Variants in CIC observed in about 807,000 individuals in gnomAD.
The protein encoded by CIC is protein capicua homolog.
In CIC, 18 loss-of-function variants were observed where a neutral mutation model predicts 115.7. The observed-to-expected ratio is 0.16, with a 90% CI of 0.11 to 0.23. The LOEUF is 0.23. Ranked by LOEUF, CIC falls within the 10% of genes least tolerant of loss-of-function variation. The pLI, the probability that CIC is intolerant of heterozygous loss-of-function variation, is 1.00. For synonymous variants in CIC, 1,076 were observed against 923.0 expected (o/e 1.17, Z -3.01); for missense variants, 2,000 against 2,159.3 (o/e 0.93, Z 1.46).
At chr19:42,277,813 C>T (rs566128500) in intron 2 of CIC, among the ~76,000 whole-genome samples, 2 of 152,314 alleles carry the variant, frequency 1.3e-5, no homozygotes, top group South Asian at 2.1e-4. Context: ...TTCTGAGGAG[C>T]GCCTCCCTAA....
chr19:42,290,491 C>G lies in CIC; in HGVS notation c.4450C>G (p.Pro1484Ala), dbSNP rs768052540. The G allele has an allele frequency of 6.2e-7, 1 of 1,613,620 alleles. No individual in the cohort carries two copies. The highest frequency in any genetic ancestry group is 8.5e-7 in the Non-Finnish European group (1 of 1,179,866). Reference sequence around the variant, plus strand: ...CACAGCGGGCCCCCTACGGCCCCCACCCCCTGGGGCTGGGGGTCCAGCGAC... The same window carrying G: ...CACAGCGGGCCCCCTACGGCCCCCAGCCCCTGGGGCTGGGGGTCCAGCGAC... Reference protein sequence around the residue: ...GSTAGPLRPPPPGAGGPATPS... With the variant: ...GSTAGPLRPPAPGAGGPATPS... The change falls in exon 11 of 21, where the codon CCC (proline) becomes GCC (alanine). Residue 1484 changes from proline to alanine, a missense_variant. Physicochemically the swap from Pro to Ala is conservative, Grantham distance 27. Coordinates refer to ENST00000681038, the MANE Select transcript of CIC (RefSeq NM_001386298.1).
In CIC at chr19:42,287,456, T is replaced by C; in HGVS notation, c.3309+7T>C. ...TGGACGCAGCCCCAACAAGGTACTT[T>C]ATCCCTGCCTGTCCTGTGCTCACCC... On this transcript the variant is annotated splice_region_variant and intron_variant, in intron 5 of 20. Coordinates refer to ENST00000681038, the MANE Select transcript of CIC (RefSeq NM_001386298.1). The surrounding 1 kb of genome is among the most constrained non-coding windows in gnomAD (Gnocchi z 8.7). The C allele has an allele frequency of 6.2e-7, 1 of 1,612,974 alleles. No individual in the cohort carries two copies. The highest frequency in any genetic ancestry group is 8.5e-7 in the Non-Finnish European group (1 of 1,180,022).
At chr19:42,289,543 A>T in intron 9 of CIC, 137 bp downstream of exon 9, 1 of 1,033,980 alleles carries the variant, frequency 9.7e-7, no homozygotes, top group Non-Finnish European at 1.5e-6. Flanking sequence ...TGGCCAGTTC[A>T]GGCCCTGCCG....
intron 7 of CIC, among the ~76,000 whole-genome samples, 198 bp from the exon 8 acceptor site, chr19:42,288,690 T>C (rs2147221973): frequency 6.6e-6 from 1 of 151,962 alleles, no homozygotes; most frequent in African/African-American, 2.4e-5. Flanking sequence ...ATGGGCCTGC[T>C]GCAACCCCAG....
chr19:42,276,695 G>T (rs1568489917), intron 2 of CIC, among the ~76,000 whole-genome samples: 1 of 152,160 alleles, frequency 6.6e-6, no homozygotes, highest in Non-Finnish European at 1.5e-5. Context: ...TCACAGCAGG[G>T]ATTTCTGTCC....
At chr19:42,278,917 G>A (rs180830040) in intron 2 of CIC, among the ~76,000 whole-genome samples, 5 of 152,348 alleles carry the variant, frequency 3.3e-5, no homozygotes, top group East Asian at 1.9e-4. Context: ...GCAGGAAAGC[G>A]GGGGCTGTAT....
intron 2 of CIC, among the ~76,000 whole-genome samples, chr19:42,281,133 GGGGTGGGT>G (rs1039151650): frequency 6.6e-6 from 1 of 151,658 alleles, no homozygotes; most frequent in Non-Finnish European, 1.5e-5. Flanking sequence ...GACGCCGCCC[GGGGTGGGT>G]GGGTGGGTGT....
chr19:42,292,617 C>G lies in CIC; in HGVS notation c.5954C>G (p.Pro1985Arg), dbSNP rs1284384662. The stretch of plus-strand genomic sequence containing the variant: ...GGTCAGGTGGGCGTGTCACCTGTGC[C>G]CAGTCCCCAGCTGCCGCCTGCCTGT... ...APGQVGVSPV[P>R]SPQLPPACAA... is the part of the protein sequence containing the mutation. Residue 1985 changes from proline to arginine, a missense_variant, in exon 15 of 21, where the codon CCC becomes CGC. Transcript: ENST00000681038. 1.2e-6 allele frequency: 2 copies of G among 1,613,392 alleles called. No homozygotes were observed. The highest frequency in any genetic ancestry group is 2.2e-5 in the East Asian group (1 of 44,896).
At chr19:42,293,347 C>T in intron 16 of CIC, 66 bp downstream of exon 16, 5 of 1,476,648 alleles carry the variant, frequency 3.4e-6, no homozygotes, top group Non-Finnish European at 4.6e-6. Context: ...GACGTCTTTG[C>T]TTTTCTGTCC....
At chr19:42,275,319 CG>C (rs1282642523) in intron 2 of CIC, among the ~76,000 whole-genome samples, 1 of 152,218 alleles carries the variant, frequency 6.6e-6, no homozygotes, top group Non-Finnish European at 1.5e-5. Flanking sequence ...TGGAAGGCAG[CG>C]GGGGTGTGCT....
At position 42,295,339 on chromosome 19, in the gene CIC, C is replaced by T; in HGVS notation, c.*148C>T. 1 of 698,430 alleles carries T rather than the reference C, an allele frequency of 1.4e-6. No homozygotes were observed. Among genetic ancestry groups the T allele is most frequent in the South Asian group, 1.9e-5 (1 of 51,858 alleles). 43.3% of individuals were successfully genotyped at this position (698,430 alleles called of 1,614,324 possible). A position where few individuals can be genotyped will look rare whatever the true frequency, so the allele number is the denominator to read the frequency against. On this transcript the variant is annotated 3_prime_UTR_variant, in exon 21 of 21. Coordinates refer to ENST00000681038, the MANE Select transcript of CIC (RefSeq NM_001386298.1). ...GAGGCCTGCTCCTCTTGTAAATACC[C>T]CCTTCCCTCGAAGCTCCCTCCCGGT...
intron 19 of CIC, 137 bp from the exon 20 acceptor site, chr19:42,294,467 C>T (rs1187922725): frequency 1.9e-6 from 3 of 1,547,252 alleles, no homozygotes; most frequent in Non-Finnish European, 2.6e-6. Context: ...CCTAGGTTGC[C>T]CTGTGACTGT....
chr19:42,272,149 T>C lies in CIC; in HGVS notation c.366T>C (p.Tyr122=), dbSNP rs1313662762. 7.5e-6 allele frequency: 3 copies of C among 399,162 alleles called. No homozygotes were observed. The highest frequency in any genetic ancestry group is 1.3e-5 in the Non-Finnish European group (3 of 226,604). 24.7% of individuals were successfully genotyped at this position (399,162 alleles called of 1,614,324 possible). A position where few individuals can be genotyped will look rare whatever the true frequency, so the allele number is the denominator to read the frequency against. The change falls in exon 2 of 21, where the codon TAT becomes TAC. Residue 122 remains tyrosine, a synonymous_variant. Transcript: ENST00000681038. ...TFKSRAPKKK[Y]VEEHGAGSSG... Reference sequence around the variant, plus strand: ...AGTCTCGAGCGCCCAAGAAGAAGTATGTGGAGGAGCACGGAGCTGGCAGCA... The same window carrying C: ...AGTCTCGAGCGCCCAAGAAGAAGTACGTGGAGGAGCACGGAGCTGGCAGCA...
chr19:42,295,086 A>G lies in CIC; in HGVS notation c.7449A>G (p.Pro2483=), dbSNP rs1454497591. ...SDSGTAQAAP[P]LPPPPESGPG... ...CTGGCACGGCCCAGGCTGCCCCGCC[A>G]CTGCCTCCACCCCCAGAGTCGGGGC... Residue 2483 remains proline, a synonymous_variant, in exon 21 of 21, where the codon CCA becomes CCG. Coordinates refer to ENST00000681038, the MANE Select transcript of CIC (RefSeq NM_001386298.1). 3.9e-6 allele frequency: 6 copies of G among 1,524,280 alleles called. No homozygotes were observed. The African/African-American group carries it at 5.6e-5, about 14-fold the overall frequency. The allele number at this position is 1,524,280 out of a possible 1,614,324, so 94.4% of individuals were successfully genotyped here.
chr19:42,295,666 G>T lies in CIC; in HGVS notation c.*475G>T. Reference sequence around the variant, plus strand: ...TCACCCCCTCTGCCCTCCCAACTTGGGTTGTACTTTCTAAGAAGGTGATTC... The same window carrying T: ...TCACCCCCTCTGCCCTCCCAACTTGTGTTGTACTTTCTAAGAAGGTGATTC... On this transcript the variant is annotated 3_prime_UTR_variant, in exon 21 of 21. Coordinates refer to ENST00000681038, the MANE Select transcript of CIC (RefSeq NM_001386298.1). 4.3e-6 allele frequency: 1 copy of T among 233,824 alleles called. No homozygotes were observed. Among genetic ancestry groups the T allele is most frequent in the Non-Finnish European group, 8.4e-6 (1 of 118,536 alleles). The allele number at this position is 233,824 out of a possible 1,614,324, so 14.5% of individuals were successfully genotyped here.
At position 42,294,058 on chromosome 19, in the gene CIC, C is replaced by T. The variant is rs1207961927; in HGVS notation, c.6891C>T (p.Gly2297=). 6.2e-7 allele frequency: 1 copy of T among 1,613,616 alleles called. No homozygotes were observed. The highest frequency in any genetic ancestry group is 1.1e-5 in the South Asian group (1 of 91,084). The stretch of plus-strand genomic sequence containing the variant: ...CCACCTCACCCCGGGCCATCCTGGG[C>T]TCTTACCGCAAGAAGAGGAAGAACT... ...SLATSPRAIL[G]SYRKKRKNST... The change falls in exon 18 of 21, where the codon GGC becomes GGT. Residue 2297 remains glycine, a synonymous_variant. Coordinates refer to ENST00000681038, the MANE Select transcript of CIC (RefSeq NM_001386298.1).
chr19:42,293,074 C>T lies in CIC; in HGVS notation c.6315C>T (p.Ala2105=), dbSNP rs749470404. 4.3e-6 allele frequency: 7 copies of T among 1,611,470 alleles called. No homozygotes were observed. Among genetic ancestry groups the T allele is most frequent in the Non-Finnish European group, 5.1e-6 (6 of 1,179,386 alleles). The part of the protein sequence containing the change: ...SIPVGSFEAG[A]SGRPGPAPRQ... The stretch of plus-strand genomic sequence containing the variant: ...CCGTGGGGTCCTTTGAGGCAGGTGC[C>T]TCTGGGCGGCCTGGCCCTGCACCCC... The change falls in exon 16 of 21, where the codon GCC becomes GCT. Residue 2105 remains alanine (A), a synonymous_variant. Transcript: ENST00000681038.
intron 2 of CIC, among the ~76,000 whole-genome samples, chr19:42,278,996 G>A (rs1166041765): frequency 6.6e-6 from 1 of 152,206 alleles, no homozygotes; most frequent in Non-Finnish European, 1.5e-5. Flanking sequence ...CCACCTGCCA[G>A]AGGGCATGAC....
At chr19:42,293,893 C>T (rs548919705) in intron 17 of CIC, 42 bp from the exon 18 acceptor site, 2 of 1,613,056 alleles carry the variant, frequency 1.2e-6, no homozygotes, top group Admixed American at 1.7e-5. Flanking sequence ...GTGGGAGCAG[C>T]TGCAGGCTGA....
Sources: allele counts gnomAD v4.1 joint callset (sites outside exome capture counted in the v4.1 genomes callset), GRCh38; gene constraint gnomAD v4.1.1; non-coding constraint Gnocchi (gnomAD v3.1); transcripts MANE v1.5; gene names NCBI Gene and HGNC (gene_info 2026-07-23, HGNC 2026-07-21).